Variants in CTNNA2 observed in about 807,000 individuals in gnomAD.
CTNNA2 encodes the protein catenin alpha-2.
Under a neutral mutation model 101.0 loss-of-function variants are expected in CTNNA2, and 42 were observed. The observed-to-expected ratio is 0.42, with a 90% CI of 0.32 to 0.54. CTNNA2 has a LOEUF of 0.54. CTNNA2 is among the 20% of genes least tolerant of loss of function. The pLI is 0.14. For synonymous variants in CTNNA2, 450 were observed against 456.4 expected (o/e 0.99, Z 0.18); for missense variants, 871 against 1,223.1 (o/e 0.71, Z 4.29).
chr2:80,323,761 G>C (rs1678957041), intron 7 of CTNNA2, among the ~76,000 whole-genome samples: 1 of 151,972 alleles, frequency 6.6e-6, no homozygotes, highest in African/African-American at 2.4e-5. Context: ...TCTAGCATCT[G>C]CCTGGGTTTC....
chr2:79,488,167 A>T (rs184178369), intron 4 of CTNNA2, among the ~76,000 whole-genome samples: 1 of 152,056 alleles, frequency 6.6e-6, no homozygotes, highest in Non-Finnish European at 1.5e-5. Flanking sequence ...TAAAATACAA[A>T]ATTAGCTGAC....
intron 1 of CTNNA2, among the ~76,000 whole-genome samples, chr2:79,523,055 G>A (rs566580780): frequency 1.7e-3 from 264 of 152,268 alleles, no homozygotes; most frequent in Non-Finnish European, 3.3e-3. Context: ...AAGTACAGCT[G>A]AGATCATAGG....
chr2:79,408,323 C>CT (rs1678363785), intron 4 of CTNNA2, among the ~76,000 whole-genome samples: 1 of 149,930 alleles, frequency 6.7e-6, no homozygotes. Flanking sequence ...TATTATAATA[C>CT]TTTAAGTTTT....
At chr2:79,515,428 G>A (rs1323644274) in intron 1 of CTNNA2, among the ~76,000 whole-genome samples, 1 of 152,216 alleles carries the variant, frequency 6.6e-6, no homozygotes, top group Non-Finnish European at 1.5e-5. Flanking sequence ...AGTTGTGAAT[G>A]TGGGGAGGTG....
Position 80,574,261 on chromosome 2 carries a change from C to T in CTNNA2, c.1840C>T (p.Arg614Cys), listed in dbSNP as rs766715582. The T allele has an allele frequency of 5.6e-6, 9 of 1,613,696 alleles. No homozygotes were observed. Among genetic ancestry groups the T allele is most frequent in the Admixed American group, 1.7e-5 (1 of 59,994 alleles). The change falls in exon 13 of 19, where the codon CGC (arginine) becomes TGC (cysteine). Residue 614 changes from arginine to cysteine, a missense_variant. By Grantham distance (180) the Arg-to-Cys change is radical. This residue lies in a region of CTNNA2 where 647 missense variants were observed against 831.5 expected (regional missense o/e 0.78). Coordinates refer to ENST00000402739, the MANE Select transcript of CTNNA2 (RefSeq NM_001282597.3). The part of the protein sequence containing the change: ...FEENEFIDAS[R>C]LVYDGVRDIR... ...GGAGAATGAGTTCATCGATGCCTCT[C>T]GCCTGGTGTATGATGGCGTTCGGGA...
chr2:79,396,835 T>C (rs1317007672), intron 4 of CTNNA2, among the ~76,000 whole-genome samples: 1 of 152,140 alleles, frequency 6.6e-6, no homozygotes, highest in African/African-American at 2.4e-5. Flanking sequence ...AACAATCTCT[T>C]TCCTAATCAG....
intron 7 of CTNNA2, among the ~76,000 whole-genome samples, chr2:80,332,379 C>A (rs940825300): frequency 2.6e-5 from 4 of 152,082 alleles, no homozygotes; most frequent in African/African-American, 9.7e-5. Context: ...AATAGATTTT[C>A]AGGTGTAGGT....
chr2:80,099,510 T>C (rs1700403573), intron 7 of CTNNA2, among the ~76,000 whole-genome samples: 1 of 152,194 alleles, frequency 6.6e-6, no homozygotes, highest in Admixed American at 6.5e-5. Context: ...ATCCTGGAGA[T>C]GAATTTACTT....
chr2:79,956,843 G>GTTTTTTTTTTTTTTTTT lies in CTNNA2; in HGVS notation c.1056+47055_1056+47071dup, dbSNP rs66471325. 1.7e-4 allele frequency among the ~76,000 whole-genome samples: 17 copies of GTTTTTTTTTTTTTTTTT among 98,906 alleles called. 2 individuals carry two copies. Among genetic ancestry groups the GTTTTTTTTTTTTTTTTT allele is most frequent in the African/African-American group, 7.0e-4 (15 of 21,350 alleles). 64.9% of individuals were successfully genotyped at this position (98,906 alleles called of 152,430 possible). A position where few individuals can be genotyped will look rare whatever the true frequency, so the allele number is the denominator to read the frequency against. ...TTTCATTTACTATGAATACGTGTGG[G>GTTTTTTTTTTTTTTTTT]TTTTTTTTTTTTTTTTTTTTTTTTT... On this transcript the variant is annotated intron_variant, in intron 7 of 18. Coordinates refer to ENST00000402739, the MANE Select transcript of CTNNA2 (RefSeq NM_001282597.3).
chr2:80,431,274 T>C (rs902912878), intron 9 of CTNNA2, among the ~76,000 whole-genome samples: 4 of 152,194 alleles, frequency 2.6e-5, no homozygotes, highest in African/African-American at 4.8e-5. Flanking sequence ...GGGTATGTAC[T>C]TTCAACCCTT....
intron 7 of CTNNA2, among the ~76,000 whole-genome samples, chr2:80,201,545 G>A (rs942464942): frequency 2.0e-4 from 30 of 151,368 alleles, no homozygotes; most frequent in African/African-American, 7.3e-4. Context: ...GGCTAAATTT[G>A]TGTATTTTTT....
intron 9 of CTNNA2, among the ~76,000 whole-genome samples, chr2:80,474,155 A>AACAACAGTAAAAAATAAGAAGGT (rs1685531956): frequency 6.6e-6 from 1 of 152,244 alleles, no homozygotes; most frequent in African/African-American, 2.4e-5. Flanking sequence ...TCTATGTTTT[A>AACAACAGTAAAAAATAAGAAGGT]ACAACAGTAA....
intron 1 of CTNNA2, among the ~76,000 whole-genome samples, chr2:79,634,374 T>C (rs1033134517): frequency 6.6e-6 from 1 of 152,212 alleles, no homozygotes; most frequent in African/African-American, 2.4e-5. Flanking sequence ...TTGTAGTGAC[T>C]TTTGGAGAAT....
At chr2:80,075,756 T>C (rs1302558427) in intron 7 of CTNNA2, among the ~76,000 whole-genome samples, 2 of 132,638 alleles carry the variant, frequency 1.5e-5, no homozygotes, top group Non-Finnish European at 3.1e-5. Context: ...AAAATAATAT[T>C]TATACTTGTA....
At chr2:80,364,693 G>C (rs1244780495) in intron 7 of CTNNA2, among the ~76,000 whole-genome samples, 2 of 150,534 alleles carry the variant, frequency 1.3e-5, no homozygotes, top group Non-Finnish European at 2.9e-5. Context: ...TTGATGATCT[G>C]TAAATAAACA....
intron 2 of CTNNA2, among the ~76,000 whole-genome samples, chr2:79,273,434 C>G (rs138879795): frequency 1.3e-5 from 2 of 152,152 alleles, no homozygotes; most frequent in African/African-American, 2.4e-5. Flanking sequence ...TCACCTCGCT[C>G]TAGTATATTG....
chr2:80,468,333 C>T (rs1337587890), intron 9 of CTNNA2, among the ~76,000 whole-genome samples: 3 of 152,170 alleles, frequency 2.0e-5, no homozygotes, highest in African/African-American at 4.8e-5. Context: ...TGTTTATAAA[C>T]GTGGAGCTAG....
chr2:80,548,101 A>G (rs1334650919), intron 11 of CTNNA2, among the ~76,000 whole-genome samples: 1 of 152,176 alleles, frequency 6.6e-6, no homozygotes, highest in Non-Finnish European at 1.5e-5. Flanking sequence ...GAAATTGCTT[A>G]GATAGGTATG....
intron 3 of CTNNA2, among the ~76,000 whole-genome samples, chr2:79,857,266 G>GT (rs1681216278): frequency 1.3e-5 from 2 of 152,150 alleles, no homozygotes. Flanking sequence ...TCCCCTCTGT[G>GT]TTGCCTACTT....
Sources: gnomAD v4.1 joint callset for allele counts (sites outside exome capture counted in the v4.1 genomes callset) on GRCh38, gnomAD v4.1.1 for gene constraint, gnomAD v4.1.1 regional missense constraint, MANE v1.5 for transcripts, NCBI Gene and HGNC (gene_info 2026-07-23, HGNC 2026-07-21) for gene names.